Variants in CRYL1 observed in about 807,000 individuals in gnomAD.
CRYL1 encodes the protein lambda-crystallin homolog.
In CRYL1, 29 loss-of-function variants were observed where a neutral mutation model predicts 36.6. The ratio of observed to expected loss-of-function variants is 0.79; its 90% CI spans 0.59 to 1.08. CRYL1 has a LOEUF of 1.08. Ranked by LOEUF, CRYL1 falls within the 50% of genes least tolerant of loss-of-function variation. The pLI, the probability that CRYL1 is intolerant of heterozygous loss-of-function variation, is 0.00. For missense variants in CRYL1, 411 were observed against 407.9 expected, an observed-to-expected ratio of 1.01 and a Z score of -0.06; for synonymous variants, 152 against 151.5, an observed-to-expected ratio of 1.00 and a Z score of -0.02.
intron 6 of CRYL1, among the ~76,000 whole-genome samples, chr13:20,409,974 G>A (rs2031476074): frequency 6.6e-6 from 1 of 151,860 alleles, no homozygotes; most frequent in Non-Finnish European, 1.5e-5. Context: ...AGTCTGTGTG[G>A]CGATTCCTCA....
chr13:20,411,526 G>A (rs546370720), intron 6 of CRYL1, among the ~76,000 whole-genome samples: 76 of 152,254 alleles, frequency 5.0e-4, no homozygotes, highest in African/African-American at 1.4e-3. Flanking sequence ...ATCAGGCAGC[G>A]TCTGTATACA....
chr13:20,477,885 AC>A (rs2033196914), intron 3 of CRYL1, among the ~76,000 whole-genome samples: 2 of 55,924 alleles, frequency 3.6e-5, no homozygotes, highest in African/African-American at 8.9e-5. Flanking sequence ...AATATATAAT[AC>A]TATACTATAA....
At chr13:20,419,201 G>A (rs2031743126) in intron 5 of CRYL1, 1 of 152,234 alleles carries the variant, frequency 6.6e-6, no homozygotes, top group African/African-American at 2.4e-5. Flanking sequence ...TCGAGCATGA[G>A]CTAGGGTACT....
At chr13:20,419,293 T>C (rs1309735182) in intron 5 of CRYL1, among the ~76,000 whole-genome samples, 1 of 152,040 alleles carries the variant, frequency 6.6e-6, no homozygotes, top group African/African-American at 2.4e-5. Flanking sequence ...TTAAGTTTAT[T>C]ATTATTATTA....
At chr13:20,466,142 A>G (rs113433467) in intron 3 of CRYL1, among the ~76,000 whole-genome samples, 5 of 152,230 alleles carry the variant, frequency 3.3e-5, no homozygotes, top group African/African-American at 1.2e-4. Context: ...TTCTTTATAA[A>G]TTGCCCAGCC....
chr13:20,489,874 C>T (rs776699183), intron 2 of CRYL1, among the ~76,000 whole-genome samples: 13 of 152,138 alleles, frequency 8.5e-5, no homozygotes, highest in Non-Finnish European at 1.6e-4. Flanking sequence ...TCACAATAGC[C>T]AGGAGCTAGA....
At chr13:20,451,448 AC>A (rs2032569277) in intron 3 of CRYL1, among the ~76,000 whole-genome samples, 1 of 152,190 alleles carries the variant, frequency 6.6e-6, no homozygotes, top group African/African-American at 2.4e-5. Context: ...TGAACAAGCA[AC>A]AAACAAAAGA....
intron 5 of CRYL1, among the ~76,000 whole-genome samples, chr13:20,416,258 G>A (rs1405313801): frequency 6.6e-6 from 1 of 152,248 alleles, no homozygotes; most frequent in Non-Finnish European, 1.5e-5. Flanking sequence ...GTCTGTGCAA[G>A]TCACTGCAAT....
intron 3 of CRYL1, among the ~76,000 whole-genome samples, chr13:20,451,074 G>A (rs191911142): frequency 7.3e-6 from 1 of 137,244 alleles, no homozygotes; most frequent in East Asian, 2.3e-4. Context: ...GTGGGGGGAG[G>A]GGGGAGGGAT....
At chr13:20,515,827 G>T (rs2033988823) in intron 1 of CRYL1, 1 of 147,354 alleles carries the variant, frequency 6.8e-6, no homozygotes, top group South Asian at 2.1e-4. Flanking sequence ...AATTCTGCAA[G>T]ATGAAAAGAT....
At position 20,439,514 on chromosome 13, in the gene CRYL1, C is replaced by CAAAAAAAAAAAAAAAAAAAA. The variant is rs56087130; in HGVS notation, c.438+78_438+79insTTTTTTTTTTTTTTTTTTTT. On this transcript the variant is annotated intron_variant, in intron 4 of 7. Transcript: ENST00000298248. ...ACAAGTTATTGACCCCCCTCCCCCG[C>CAAAAAAAAAAAAAAAAAAAA]AAAAAAAAAAAAAAAAGAAAAAAAA... 3.5e-4 allele frequency: 117 copies of CAAAAAAAAAAAAAAAAAAAA among 331,800 alleles called. 1 individual carries two copies. Among genetic ancestry groups the CAAAAAAAAAAAAAAAAAAAA allele is most frequent in the East Asian group, 1.1e-3 (13 of 11,860 alleles). 20.6% of individuals were successfully genotyped at this position (331,800 alleles called of 1,614,324 possible).
intron 1 of CRYL1, among the ~76,000 whole-genome samples, chr13:20,521,102 C>CAACAA (rs2034086158): frequency 1.3e-5 from 1 of 75,594 alleles, no homozygotes; most frequent in East Asian, 3.9e-4. Context: ...GACTCCGTCT[C>CAACAA]AAAAAAAAAA....
intron 1 of CRYL1, among the ~76,000 whole-genome samples, chr13:20,517,829 G>A (rs996741408): frequency 6.9e-6 from 1 of 145,662 alleles, no homozygotes. Flanking sequence ...CCAGCTACTC[G>A]GGAGGCTGAG....
intron 6 of CRYL1, among the ~76,000 whole-genome samples, chr13:20,411,559 A>G (rs2031524879): frequency 6.6e-6 from 1 of 152,244 alleles, no homozygotes; most frequent in Admixed American, 6.5e-5. Context: ...AAATTTCTAT[A>G]CATTTCAAAT....
intron 4 of CRYL1, among the ~76,000 whole-genome samples, 192 bp downstream of exon 4, chr13:20,439,398 TAAG>T (rs2032301355): frequency 6.7e-6 from 1 of 150,148 alleles, no homozygotes; most frequent in African/African-American, 2.5e-5. Flanking sequence ...CTGAATACAA[TAAG>T]AACCACTGAA....
intron 4 of CRYL1, among the ~76,000 whole-genome samples, chr13:20,438,006 C>A (rs2032269999): frequency 6.6e-6 from 1 of 152,176 alleles, no homozygotes; most frequent in Non-Finnish European, 1.5e-5. Flanking sequence ...GCACGACAGG[C>A]TTCTCGGGAC....
intron 1 of CRYL1, among the ~76,000 whole-genome samples, chr13:20,516,190 C>CAAAAAAAAAAAAAA (rs35780379): frequency 1.4e-5 from 1 of 73,294 alleles, no homozygotes; most frequent in Non-Finnish European, 2.4e-5. Flanking sequence ...AACTCCATCT[C>CAAAAAAAAAAAAAA]AAAAAAAAAA....
intron 3 of CRYL1, among the ~76,000 whole-genome samples, chr13:20,478,213 T>C (rs772737300): frequency 2.0e-5 from 3 of 152,118 alleles, no homozygotes; most frequent in Non-Finnish European, 4.4e-5. Flanking sequence ...GTTTTTAACC[T>C]AGTGATAAGA....
intron 5 of CRYL1, 59 bp from the exon 6 acceptor site, chr13:20,413,446 C>T: frequency 9.7e-7 from 1 of 1,025,854 alleles, no homozygotes; most frequent in Non-Finnish European, 1.5e-6. Context: ...TTCATGACCA[C>T]CACTTCCATC....
Sources: gnomAD v4.1 joint callset for allele counts (sites outside exome capture counted in the v4.1 genomes callset) on GRCh38, gnomAD v4.1.1 for gene constraint, MANE v1.5 for transcripts, NCBI Gene and HGNC (gene_info 2026-07-23, HGNC 2026-07-21) for gene names.